SDK1: variants seen among roughly 807,000 people sequenced by gnomAD.
SDK1 encodes the protein sidekick cell adhesion molecule 1.
Under a neutral mutation model 245.5 loss-of-function variants are expected in SDK1, and 157 were observed. That is an observed-to-expected ratio of 0.64 (90% CI 0.56 to 0.73). SDK1 has a LOEUF of 0.73. SDK1 is among the 30% of genes least tolerant of loss of function. The pLI, the probability that SDK1 is intolerant of heterozygous loss-of-function variation, is 0.00. For synonymous variants in SDK1, 1,647 were observed against 1,278.5 expected (o/e 1.29, Z -6.15); for missense variants, 3,583 against 3,002.3 (o/e 1.19, Z -4.52).
chr7:3,595,318 A>G (rs1781018383), intron 1 of SDK1, among the ~76,000 whole-genome samples: 1 of 152,070 alleles, frequency 6.6e-6, no homozygotes, highest in African/African-American at 2.4e-5. Flanking sequence ...ATATAAATTC[A>G]TTTATATACT....
chr7:3,558,444 C>T lies in SDK1; in HGVS notation c.299-60636C>T, dbSNP rs565957951. ...GTCTGAAGGAAATAACTTCTGTATT[C>T]CAGGATTTGTTTGAAAAGATCATAG... is the stretch of plus-strand genomic sequence containing the variant. On this transcript the variant is annotated intron_variant, in intron 1 of 44. Coordinates refer to ENST00000404826, the MANE Select transcript of SDK1 (RefSeq NM_152744.4). Among the ~76,000 whole-genome samples the T allele has an allele frequency of 3.9e-5, 6 of 152,308 alleles. No individual in the cohort carries two copies. The East Asian group carries it at 1.2e-3, about 29-fold the overall frequency.
chr7:3,892,049 CT>C (rs1183603492), intron 5 of SDK1, among the ~76,000 whole-genome samples: 1 of 151,834 alleles, frequency 6.6e-6, no homozygotes, highest in Non-Finnish European at 1.5e-5. Context: ...TTTTCTTTTT[CT>C]TTTTTTGCCG....
rs771040578 is a variant in SDK1 at position 4,012,130 on chromosome 7, C to T, written c.2315C>T (p.Pro772Leu). Residue 772 changes from proline to leucine, a missense_variant, in exon 16 of 45, where the codon CCG becomes CTG. Physicochemically the swap from Pro to Leu is moderately conservative, Grantham distance 98 (BLOSUM62 -3). Coordinates refer to ENST00000404826, the MANE Select transcript of SDK1 (RefSeq NM_152744.4). ...CCTGAAGAACCACCCAGTGCTCCCC[C>T]GAAAAATATAGTGGCCAGTGGGCGG... is the stretch of plus-strand genomic sequence containing the variant. The part of the protein sequence containing the change: ...MLPEEPPSAP[P>L]KNIVASGRTN... 25 of 1,575,386 alleles carry T rather than the reference C, an allele frequency of 1.6e-5. No homozygotes were observed. The highest frequency in any genetic ancestry group is 3.5e-5 in the South Asian group (3 of 84,922).
Position 3,301,704 on chromosome 7 carries a change from C to G in SDK1, c.118C>G (p.Leu40Val), listed in dbSNP as rs886565452. 4 of 975,222 alleles carry G rather than the reference C, an allele frequency of 4.1e-6. No individual in the cohort carries two copies. In the African/African-American group the frequency reaches 7.1e-5, roughly 17 times the overall value. 60.4% of individuals were successfully genotyped at this position (975,222 alleles called of 1,614,324 possible). A position where few individuals can be genotyped will look rare whatever the true frequency, so the allele number is the denominator to read the frequency against. Residue 40 changes from leucine to valine, a missense_variant, in exon 1 of 45, where the codon CTG (leucine) becomes GTG (valine). By Grantham distance (32) the Leu-to-Val change is conservative (BLOSUM62 1). Transcript: ENST00000404826. ...CCCGCCCGGCCGCGCCCGCCCCTCG[C>G]TGGCGCCGCGCCCCGGCCCGGAGCC... ...GSPPGRARPSLAPRPGPEPSR... is the reference protein window; with the variant it reads ...GSPPGRARPSVAPRPGPEPSR...
chr7:3,659,137 C>T (rs1783278693), intron 4 of SDK1, among the ~76,000 whole-genome samples: 2 of 152,132 alleles, frequency 1.3e-5, no homozygotes, highest in Non-Finnish European at 2.9e-5. Context: ...TTCTTTTGTC[C>T]TTTACTGATC....
chr7:3,895,088 C>T (rs1247789732), intron 5 of SDK1, among the ~76,000 whole-genome samples: 1 of 152,042 alleles, frequency 6.6e-6, no homozygotes, highest in African/African-American at 2.4e-5. Context: ...GTAAAAGTTT[C>T]TATTATAGGG....
chr7:3,791,864 A>G (rs1326725012), intron 4 of SDK1, among the ~76,000 whole-genome samples: 1 of 152,066 alleles, frequency 6.6e-6, no homozygotes, highest in African/African-American at 2.4e-5. Flanking sequence ...TGGCTCATGC[A>G]TGTAATCTCA....
At chr7:3,889,117 CT>C (rs1781399252) in intron 5 of SDK1, among the ~76,000 whole-genome samples, 1 of 152,200 alleles carries the variant, frequency 6.6e-6, no homozygotes, top group African/African-American at 2.4e-5. Flanking sequence ...TCTTAGCACT[CT>C]TAAGGCTGAT....
chr7:4,168,171 G>A (rs1781612675), intron 32 of SDK1, among the ~76,000 whole-genome samples: 1 of 152,186 alleles, frequency 6.6e-6, no homozygotes, highest in Non-Finnish European at 1.5e-5. Context: ...AGTGGCCTCT[G>A]CCAGCTGCTG....
At chr7:3,973,108 G>C (rs1475320298) in intron 12 of SDK1, among the ~76,000 whole-genome samples, 1 of 152,102 alleles carries the variant, frequency 6.6e-6, no homozygotes, top group Non-Finnish European at 1.5e-5. Flanking sequence ...TCCTCAGATG[G>C]AACTGGGTTA....
At chr7:3,415,852 C>CT (rs1779352191) in intron 1 of SDK1, among the ~76,000 whole-genome samples, 2 of 152,074 alleles carry the variant, frequency 1.3e-5, no homozygotes, top group East Asian at 3.9e-4. Context: ...TTTTGAATGA[C>CT]TAACTGAATG....
chr7:3,579,826 C>A (rs767551654), intron 1 of SDK1, among the ~76,000 whole-genome samples: 3 of 152,170 alleles, frequency 2.0e-5, no homozygotes, highest in Non-Finnish European at 2.9e-5. Context: ...CCTTTGTTTG[C>A]AGGTGACATG....
At chr7:4,020,476 C>CTTTCT (rs1448656356) in intron 17 of SDK1, among the ~76,000 whole-genome samples, 4 of 152,198 alleles carry the variant, frequency 2.6e-5, no homozygotes, top group Non-Finnish European at 5.9e-5. Flanking sequence ...GAGATGACAT[C>CTTTCT]AGACCACCAG....
chr7:3,478,165 C>G (rs1461632112), intron 1 of SDK1, among the ~76,000 whole-genome samples: 1 of 151,772 alleles, frequency 6.6e-6, no homozygotes, highest in Non-Finnish European at 1.5e-5. Flanking sequence ...GGAAAATATC[C>G]CTCATTATTT....
chr7:3,383,501 T>C (rs1224166933), intron 1 of SDK1, among the ~76,000 whole-genome samples: 1 of 152,194 alleles, frequency 6.6e-6, no homozygotes. Flanking sequence ...TAGCCATCTC[T>C]TTTTGGCCTC....
chr7:4,060,939 A>G (rs1779499777), intron 19 of SDK1, among the ~76,000 whole-genome samples: 1 of 151,958 alleles, frequency 6.6e-6, no homozygotes. Context: ...TTTGTCAAAG[A>G]TCAGATAGTT....
chr7:3,382,339 A>G (rs919542262), intron 1 of SDK1, among the ~76,000 whole-genome samples: 1 of 152,198 alleles, frequency 6.6e-6, no homozygotes, highest in Non-Finnish European at 1.5e-5. Context: ...TCACGTGGCT[A>G]GTAAGTGGTG....
chr7:3,973,037 C>A (rs1670532083), intron 12 of SDK1, among the ~76,000 whole-genome samples: 1 of 152,132 alleles, frequency 6.6e-6, no homozygotes, highest in Non-Finnish European at 1.5e-5. Context: ...TCAGAAAGAA[C>A]CCCCTCGGAT....
intron 1 of SDK1, among the ~76,000 whole-genome samples, chr7:3,466,993 C>T (rs1054469718): frequency 7.1e-6 from 1 of 140,694 alleles, no homozygotes; most frequent in Non-Finnish European, 1.5e-5. Flanking sequence ...CACACACACA[C>T]ACACACACAC....
Sources: allele counts gnomAD v4.1 joint callset (sites outside exome capture counted in the v4.1 genomes callset), GRCh38; gene constraint gnomAD v4.1.1; transcripts MANE v1.5; gene names NCBI Gene and HGNC (gene_info 2026-07-23, HGNC 2026-07-21).